Variants in PRKN observed in about 807,000 individuals in gnomAD.
PRKN encodes E3 ubiquitin-protein ligase parkin.
PRKN carries 56 observed loss-of-function variants against 59.5 expected under a neutral mutation model. The observed-to-expected ratio is 0.94, with a 90% CI of 0.76 to 1.18. The LOEUF (loss-of-function observed/expected upper bound fraction) is 1.18. Ranked by LOEUF, PRKN falls within the 50% of genes most tolerant of loss-of-function variation. The pLI, the probability that PRKN is intolerant of heterozygous loss-of-function variation, is 0.00. For synonymous variants in PRKN, 250 were observed against 222.1 expected, an observed-to-expected ratio of 1.13 and a Z score of -1.12; for missense variants, 657 against 596.4, an observed-to-expected ratio of 1.10 and a Z score of -1.06.
At chr6:162,612,341 T>C (rs1213330354) in intron 1 of PRKN, among the ~76,000 whole-genome samples, 1 of 151,850 alleles carries the variant, frequency 6.6e-6, no homozygotes, top group East Asian at 1.9e-4. Context: ...AGGGCTGTCC[T>C]AGGATGGAAT....
chr6:162,572,899 C>T (rs1780403228), intron 1 of PRKN, among the ~76,000 whole-genome samples: 1 of 152,144 alleles, frequency 6.6e-6, no homozygotes, highest in Non-Finnish European at 1.5e-5. Flanking sequence ...CCTTTGCTCC[C>T]CAGTAATTCT....
intron 1 of PRKN, among the ~76,000 whole-genome samples, chr6:162,700,600 T>A (rs1211317695): frequency 2.0e-5 from 3 of 152,124 alleles, no homozygotes; most frequent in Admixed American, 1.3e-4. Context: ...AGTGACATGA[T>A]TCAGTTAAAA....
chr6:161,782,231 T>G (rs1790235520), intron 7 of PRKN, among the ~76,000 whole-genome samples: 1 of 152,192 alleles, frequency 6.6e-6, no homozygotes, highest in African/African-American at 2.4e-5. Context: ...TATTTTTATA[T>G]GTAAGAAAAT....
intron 2 of PRKN, among the ~76,000 whole-genome samples, chr6:162,292,330 A>G (rs558646527): frequency 6.6e-6 from 1 of 152,274 alleles, no homozygotes; most frequent in South Asian, 2.1e-4. Context: ...ATCACCAGAG[A>G]TGCAACACCA....
chr6:162,284,628 G>A (rs541401520), intron 2 of PRKN, among the ~76,000 whole-genome samples: 1 of 152,174 alleles, frequency 6.6e-6, no homozygotes, highest in African/African-American at 2.4e-5. Flanking sequence ...GGCAGTTTTT[G>A]ATAAATATCC....
intron 4 of PRKN, among the ~76,000 whole-genome samples, chr6:162,164,876 A>C (rs1231881415): frequency 6.7e-6 from 1 of 149,010 alleles, no homozygotes; most frequent in Middle Eastern, 3.2e-3. Flanking sequence ...ATATATTAGA[A>C]ACTAAACATT....
intron 7 of PRKN, among the ~76,000 whole-genome samples, chr6:161,623,356 T>C (rs2128151634): frequency 6.6e-6 from 1 of 152,318 alleles, no homozygotes; most frequent in South Asian, 2.1e-4. Context: ...TGTAAGTGAA[T>C]GCATAAATAA....
chr6:161,941,338 A>G (rs1779559279), intron 6 of PRKN, among the ~76,000 whole-genome samples: 1 of 152,204 alleles, frequency 6.6e-6, no homozygotes, highest in Non-Finnish European at 1.5e-5. Context: ...ACCAACAGCC[A>G]CCAGCATGTT....
chr6:162,294,966 GTAACCATACT>G (rs989976512), intron 2 of PRKN, among the ~76,000 whole-genome samples: 1 of 152,136 alleles, frequency 6.6e-6, no homozygotes, highest in Admixed American at 6.6e-5. Flanking sequence ...ACTAACCCTA[GTAACCATACT>G]TATTAGCTAA....
chr6:161,666,363 T>A (rs1467934386), intron 7 of PRKN, among the ~76,000 whole-genome samples: 1 of 152,198 alleles, frequency 6.6e-6, no homozygotes, highest in Non-Finnish European at 1.5e-5. Context: ...GGATGTAAGT[T>A]GTGTGCTCCT....
chr6:162,329,447 C>G (rs915599856), intron 2 of PRKN, among the ~76,000 whole-genome samples: 17 of 152,210 alleles, frequency 1.1e-4, no homozygotes, highest in African/African-American at 4.1e-4. Flanking sequence ...GTTTAACAAC[C>G]GTTGCAGCAG....
intron 1 of PRKN, among the ~76,000 whole-genome samples, chr6:162,455,609 G>T (rs1790834368): frequency 6.6e-6 from 1 of 152,080 alleles, no homozygotes; most frequent in Non-Finnish European, 1.5e-5. Flanking sequence ...ACTATGTGGT[G>T]CTTGACAGAT....
At chr6:162,686,648 G>A (rs756537438) in intron 1 of PRKN, among the ~76,000 whole-genome samples, 6 of 152,128 alleles carry the variant, frequency 3.9e-5, no homozygotes, top group East Asian at 1.9e-4. Context: ...ATGATGGCTC[G>A]TGCCTGTAAT....
intron 6 of PRKN, among the ~76,000 whole-genome samples, chr6:161,854,589 AG>A (rs1300434932): frequency 6.6e-6 from 1 of 152,168 alleles, no homozygotes; most frequent in Non-Finnish European, 1.5e-5. Context: ...ACTTACATAC[AG>A]TTATACATAT....
chr6:162,566,444 CG>C (rs1780083003), intron 1 of PRKN, among the ~76,000 whole-genome samples: 4 of 151,758 alleles, frequency 2.6e-5, no homozygotes. Context: ...AAATGAAAAA[CG>C]AAACATTGCA....
intron 1 of PRKN, among the ~76,000 whole-genome samples, chr6:162,607,668 C>A (rs531094777): frequency 3.4e-4 from 51 of 152,004 alleles, no homozygotes; most frequent in Admixed American, 9.2e-4. Context: ...TCTTAATAAA[C>A]TAGAAGTGAT....
At chr6:161,867,058 T>C (rs1794139396) in intron 6 of PRKN, among the ~76,000 whole-genome samples, 2 of 152,230 alleles carry the variant, frequency 1.3e-5, no homozygotes, top group Admixed American at 6.5e-5. Flanking sequence ...GATCCAGGTC[T>C]GAACCATGCA....
In PRKN at chr6:162,083,017, C is replaced by T. The variant is rs139413744; in HGVS notation, c.535-28843G>A. Among the ~76,000 whole-genome samples the T allele has an allele frequency of 5.0e-3, 766 of 152,046 alleles. 17 individuals are homozygous for T. The highest frequency in any genetic ancestry group is 0.018 in the African/African-American group (731 of 41,398). On this transcript the variant is annotated intron_variant, in intron 4 of 11. Transcript: ENST00000366898. ...ATTGCTCAGGCTGGATGCAGTGGCG[C>T]GATGTCAGCTCACTGCAACCTCTGC...
intron 4 of PRKN, among the ~76,000 whole-genome samples, chr6:162,106,880 T>G (rs1780213134): frequency 6.6e-6 from 1 of 152,212 alleles, no homozygotes; most frequent in Admixed American, 6.5e-5. Flanking sequence ...AAAGGCAATG[T>G]GAGGGGCTTA....
Sources: gnomAD v4.1 joint callset for allele counts (sites outside exome capture counted in the v4.1 genomes callset) on GRCh38, gnomAD v4.1.1 for gene constraint, MANE v1.5 for transcripts, NCBI Gene and HGNC (gene_info 2026-07-23, HGNC 2026-07-21) for gene names.